Variants in CHFR observed in about 807,000 individuals in gnomAD.
CHFR encodes the protein E3 ubiquitin-protein ligase CHFR.
Under a neutral mutation model 87.6 loss-of-function variants are expected in CHFR, and 57 were observed. The ratio of observed to expected loss-of-function variants is 0.65; its 90% CI spans 0.53 to 0.81. CHFR has a LOEUF of 0.81. Among genes scored for constraint, CHFR ranks in the 30% least tolerant of loss-of-function variants. The pLI, the probability that CHFR is intolerant of heterozygous loss-of-function variation, is 0.00. For missense variants in CHFR, 797 were observed against 865.8 expected, an observed-to-expected ratio of 0.92 and a Z score of 1.00; for synonymous variants, 381 against 359.2, an observed-to-expected ratio of 1.06 and a Z score of -0.69.
chr12:132,868,459 G>A (rs12819660), intron 6 of CHFR, among the ~76,000 whole-genome samples: 238 of 75,142 alleles, frequency 3.2e-3, no homozygotes, highest in Middle Eastern at 0.012. Context: ...CCGAGATCGC[G>A]CCACCGCACT....
At chr12:132,880,092 G>A (rs1481011559) in intron 2 of CHFR, among the ~76,000 whole-genome samples, 2 of 152,182 alleles carry the variant, frequency 1.3e-5, no homozygotes, top group African/African-American at 4.8e-5. Context: ...GAAAAAACGT[G>A]TAGAAAAACC....
At chr12:132,863,542 A>G (rs1487069387) in intron 6 of CHFR, among the ~76,000 whole-genome samples, 1 of 152,130 alleles carries the variant, frequency 6.6e-6, no homozygotes, top group Non-Finnish European at 1.5e-5. Context: ...CAAACAAAAA[A>G]AAACAGAAGT....
At chr12:132,883,886 G>A (rs1362523423) in intron 2 of CHFR, among the ~76,000 whole-genome samples, 2 of 152,242 alleles carry the variant, frequency 1.3e-5, no homozygotes, top group Non-Finnish European at 2.9e-5. Context: ...GCCAAGGCAG[G>A]TGGATCATTT....
At chr12:132,845,622 C>A (rs1366864453) in intron 15 of CHFR, among the ~76,000 whole-genome samples, 1 of 152,128 alleles carries the variant, frequency 6.6e-6, no homozygotes, top group Non-Finnish European at 1.5e-5. Flanking sequence ...TGCACTCCAG[C>A]CTGGGCGACA....
intron 6 of CHFR, among the ~76,000 whole-genome samples, chr12:132,862,828 C>T (rs1163857542): frequency 6.6e-6 from 1 of 151,584 alleles, no homozygotes; most frequent in Non-Finnish European, 1.5e-5. Context: ...GATCCACCTG[C>T]CTCAGCCTCC....
chr12:132,846,263 C>T (rs1199871450), intron 15 of CHFR, among the ~76,000 whole-genome samples: 5 of 127,858 alleles, frequency 3.9e-5, no homozygotes, highest in Non-Finnish European at 3.2e-5. Context: ...GCTTAACTGT[C>T]TTTTTTTTTT....
chr12:132,858,185 C>T (rs1413773074), intron 8 of CHFR, among the ~76,000 whole-genome samples: 1 of 151,946 alleles, frequency 6.6e-6, no homozygotes, highest in Non-Finnish European at 1.5e-5. Flanking sequence ...GGTGAAACTC[C>T]CGTCTCTACT....
chr12:132,859,639 C>T (rs748758310), intron 7 of CHFR, among the ~76,000 whole-genome samples: 2 of 152,150 alleles, frequency 1.3e-5, no homozygotes, highest in Non-Finnish European at 1.5e-5. Context: ...TGTGAGCTAC[C>T]GCGCCCCACC....
chr12:132,880,338 A>C (rs1332834395), intron 2 of CHFR, among the ~76,000 whole-genome samples: 3 of 152,148 alleles, frequency 2.0e-5, no homozygotes, highest in East Asian at 1.9e-4. Flanking sequence ...GGAAAAAATA[A>C]TAATAATAAG....
In CHFR at chr12:132,869,718, C is replaced by CCT; in HGVS notation, c.482_483dup (p.Glu162ArgfsTer84). 1 of 1,551,726 alleles carries CCT rather than the reference C, an allele frequency of 6.4e-7. No individual in the cohort carries two copies. Among genetic ancestry groups the CCT allele is most frequent in the Middle Eastern group, 1.7e-4 (1 of 5,990 alleles). On this transcript the variant is annotated frameshift_variant, in exon 6 of 18. Transcript: ENST00000450056. LOFTEE classifies it high-confidence loss of function. ...GACGTCGATGTTGATGGCTGTGGTT[C>CCT]CTCAAAGCACACCTGAGTGGCGGGC...
At position 132,835,642 on chromosome 12, in the gene CHFR, C is replaced by A; in HGVS notation, c.*5912G>T. 5.1e-6 allele frequency: 1 copy of A among 194,900 alleles called. No homozygotes were observed. The allele number at this position is 194,900 out of a possible 1,614,324, so 12.1% of individuals were successfully genotyped here. On this transcript the variant is annotated 3_prime_UTR_variant, in exon 18 of 18. Transcript: ENST00000450056. ...AGACAGACCAAAGAGGAACCGGCCC[C>A]GCTGACACCCTGATCTCAGAGTTCC... is the stretch of plus-strand genomic sequence containing the variant.
rs1415191475 is a variant in CHFR at position 132,848,136 on chromosome 12, C to T, written c.1596G>A (p.Lys532=). The T allele has an allele frequency of 6.2e-7, 1 of 1,614,152 alleles. No homozygotes were observed. The highest frequency in any genetic ancestry group is 2.2e-5 in the East Asian group (1 of 44,874). ...TGTTGTTCAGCACGCCGTCCAGACACTTGTCACCCAGGTTGAGCTCTGCCG... is the reference window on the plus strand; with the variant it reads ...TGTTGTTCAGCACGCCGTCCAGACATTTGTCACCCAGGTTGAGCTCTGCCG... ...APFCELNLGD[K]CLDGVLNNNS... The change falls in exon 14 of 18, where the codon AAG becomes AAA. Residue 532 remains lysine (K), a synonymous_variant. Transcript: ENST00000450056.
chr12:132,843,976 G>T, intron 16 of CHFR, 51 bp downstream of exon 16: 3 of 1,199,722 alleles, frequency 2.5e-6, no homozygotes, highest in Non-Finnish European at 3.7e-6. Context: ...CAGAAGCCAA[G>T]AAGCCAACCC....
At chr12:132,872,264 G>C (rs1243175054) in intron 4 of CHFR, 21 bp downstream of exon 4, 1 of 1,545,834 alleles carries the variant, frequency 6.5e-7, no homozygotes, top group Non-Finnish European at 8.9e-7. Flanking sequence ...TCTGACCCCG[G>C]CAAGCCTTCC....
Position 132,841,142 on chromosome 12 carries a change from GCT to G in CHFR, c.*410_*411del, listed in dbSNP as rs1272645289. On this transcript the variant is annotated 3_prime_UTR_variant, in exon 18 of 18. Transcript: ENST00000450056. ...TACGTCCTGTAGGCTGTAAACTTAT[GCT>G]CCCTTCTCCTGAAACAATGTTTTTG... The G allele has an allele frequency of 5.6e-6, 1 of 177,070 alleles. No individual in the cohort carries two copies. Among genetic ancestry groups the G allele is most frequent in the East Asian group, 1.6e-4 (1 of 6,182 alleles). 11.0% of individuals were successfully genotyped at this position (177,070 alleles called of 1,614,324 possible).
chr12:132,868,117 C>T (rs193100032), intron 6 of CHFR, among the ~76,000 whole-genome samples: 68 of 152,220 alleles, frequency 4.5e-4, no homozygotes, highest in African/African-American at 1.5e-3. Context: ...AGAGTCATGC[C>T]GTAAGGAACA....
At chr12:132,847,902 G>C in intron 14 of CHFR, 183 bp downstream of exon 14, 1 of 1,438,596 alleles carries the variant, frequency 7.0e-7, no homozygotes, top group Non-Finnish European at 9.1e-7. Flanking sequence ...GGAAAAAACA[G>C]ACAAACACCA....
intron 3 of CHFR, among the ~76,000 whole-genome samples, chr12:132,877,312 T>C (rs1242935782): frequency 1.3e-5 from 2 of 152,180 alleles, no homozygotes; most frequent in Non-Finnish European, 2.9e-5. Flanking sequence ...GGCTACACCA[T>C]CTAGGTTTGT....
At chr12:132,864,613 C>A (rs564654474) in intron 6 of CHFR, among the ~76,000 whole-genome samples, 1 of 152,130 alleles carries the variant, frequency 6.6e-6, no homozygotes, top group Non-Finnish European at 1.5e-5. Context: ...CTCAGCCTCC[C>A]GAGTAGCTGG....
Sources: allele counts gnomAD v4.1 joint callset (sites outside exome capture counted in the v4.1 genomes callset), GRCh38; gene constraint gnomAD v4.1.1; transcripts MANE v1.5; gene names NCBI Gene and HGNC (gene_info 2026-07-23, HGNC 2026-07-21).